The following PARN variants were observed in gnomAD, a reference collection of about 807,000 sequenced individuals.
PARN encodes poly(A)-specific ribonuclease.
PARN carries 71 observed loss-of-function variants against 102.8 expected under a neutral mutation model. That is an observed-to-expected ratio of 0.69 (90% confidence interval 0.57 to 0.84). PARN has a LOEUF of 0.84. Ranked by LOEUF, PARN falls within the 40% of genes least tolerant of loss-of-function variation. The pLI, the probability that PARN is intolerant of heterozygous loss-of-function variation, is 0.00. For synonymous variants in PARN, 261 were observed against 252.9 expected, an observed-to-expected ratio of 1.03 and a Z score of -0.30; for missense variants, 782 against 760.9, an observed-to-expected ratio of 1.03 and a Z score of -0.33.
intron 23 of PARN, 98 bp downstream of exon 23, chr16:14,446,790 C>G: frequency 1.3e-6 from 1 of 791,530 alleles, no homozygotes; most frequent in Non-Finnish European, 2.0e-6. Context: ...GCTTTGCCAC[C>G]AAGTGAAGCC....
At chr16:14,506,828 T>TA (rs924406784) in intron 21 of PARN, among the ~76,000 whole-genome samples, 1 of 151,510 alleles carries the variant, frequency 6.6e-6, no homozygotes, top group Non-Finnish European at 1.5e-5. Flanking sequence ...TCACTGCCTT[T>TA]AAAAAAAGAA....
At chr16:14,551,878 T>G in intron 21 of PARN, 143 bp downstream of exon 21, 1 of 597,610 alleles carries the variant, frequency 1.7e-6, no homozygotes, top group Non-Finnish European at 3.0e-6. Flanking sequence ...AATTATTTCA[T>G]TTATTTCAGA....
chr16:14,580,285 G>T (rs1429273656), intron 18 of PARN, among the ~76,000 whole-genome samples: 2 of 149,412 alleles, frequency 1.3e-5, no homozygotes, highest in South Asian at 2.1e-4. Context: ...ATTTTCTTTT[G>T]TTTTTTTTGT....
intron 21 of PARN, among the ~76,000 whole-genome samples, chr16:14,487,183 A>G (rs1296706056): frequency 6.6e-6 from 1 of 152,242 alleles, no homozygotes; most frequent in East Asian, 1.9e-4. Flanking sequence ...TAGTCACCAC[A>G]CAAATAAAGA....
intron 5 of PARN, among the ~76,000 whole-genome samples, chr16:14,621,602 G>A (rs117723365): frequency 0.029 from 4,339 of 151,878 alleles, 88 homozygotes; most frequent in Non-Finnish European, 0.041. Flanking sequence ...ACGAGGTCAA[G>A]AGATCAAGAC....
intron 21 of PARN, among the ~76,000 whole-genome samples, chr16:14,547,105 A>AG (rs1966998862): frequency 3.3e-5 from 5 of 151,206 alleles, no homozygotes; most frequent in Admixed American, 6.6e-5. Context: ...AAAAAAAAAA[A>AG]AGAAAAAAAA....
At position 14,584,424 on chromosome 16, in the gene PARN, T is replaced by C. The variant is rs1469272825; in HGVS notation, c.1006-2A>G. Reference sequence around the variant, plus strand: ...AAGGGATGTGTTGTTAATGATATCCTGCAAACCACGAAGCAAAGAATTATG... The same window carrying C: ...AAGGGATGTGTTGTTAATGATATCCCGCAAACCACGAAGCAAAGAATTATG... On this transcript the variant is annotated splice_acceptor_variant, in intron 15 of 23. Transcript: ENST00000437198. LOFTEE classifies it high-confidence loss of function. The C allele has an allele frequency of 6.2e-7, 1 of 1,611,028 alleles. No homozygotes were observed. Among genetic ancestry groups the C allele is most frequent in the East Asian group, 2.2e-5 (1 of 44,830 alleles).
At chr16:14,568,753 G>A (rs1968595116) in intron 18 of PARN, among the ~76,000 whole-genome samples, 1 of 151,792 alleles carries the variant, frequency 6.6e-6, no homozygotes, top group Admixed American at 6.6e-5. Context: ...AAGTTAGCAG[G>A]GCATGGTGGC....
chr16:14,606,687 T>A (rs1055657760), intron 9 of PARN, among the ~76,000 whole-genome samples, 161 bp from the exon 10 acceptor site: 36 of 152,158 alleles, frequency 2.4e-4, no homozygotes, highest in African/African-American at 8.7e-4. Flanking sequence ...TTTTATAACG[T>A]TTCAGCTGCT....
At chr16:14,543,933 G>A (rs911817171) in intron 21 of PARN, among the ~76,000 whole-genome samples, 2 of 152,134 alleles carry the variant, frequency 1.3e-5, no homozygotes, top group African/African-American at 4.8e-5. Flanking sequence ...GGTGGCTCAC[G>A]CCTGTAATCC....
chr16:14,614,895 T>G (rs956460157), intron 6 of PARN, among the ~76,000 whole-genome samples: 64 of 130,158 alleles, frequency 4.9e-4, no homozygotes, highest in African/African-American at 1.8e-3. Flanking sequence ...AAAAGAAAAT[T>G]CAGGTGTCTG....
chr16:14,469,369 C>G (rs1026584071), intron 22 of PARN, among the ~76,000 whole-genome samples: 1 of 152,164 alleles, frequency 6.6e-6, no homozygotes, highest in Non-Finnish European at 1.5e-5. Flanking sequence ...ATATACCCAT[C>G]ACAGATTTGA....
chr16:14,553,737 A>C (rs1967477171), intron 20 of PARN, among the ~76,000 whole-genome samples: 1 of 152,218 alleles, frequency 6.6e-6, no homozygotes, highest in Non-Finnish European at 1.5e-5. Flanking sequence ...CCATTATGAA[A>C]CACACAAACC....
At chr16:14,582,427 C>G (rs1022430552) in intron 16 of PARN, 136 bp from the exon 17 acceptor site, 2 of 646,426 alleles carry the variant, frequency 3.1e-6, no homozygotes, top group Non-Finnish European at 5.5e-6. Flanking sequence ...CCTTAATTCT[C>G]TCTATATAAG....
At chr16:14,502,925 G>A (rs1345465271) in intron 21 of PARN, among the ~76,000 whole-genome samples, 1 of 152,068 alleles carries the variant, frequency 6.6e-6, no homozygotes. Flanking sequence ...AGATCAGGGA[G>A]GAAAAATTAA....
intron 22 of PARN, among the ~76,000 whole-genome samples, chr16:14,480,967 A>ATAAATAAC (rs1386961839): frequency 1.3e-5 from 2 of 151,964 alleles, no homozygotes; most frequent in African/African-American, 4.8e-5. Context: ...AAATAAATAA[A>ATAAATAAC]TAAATAACAT....
At chr16:14,440,842 A>G (rs1481309613) in intron 23 of PARN, among the ~76,000 whole-genome samples, 2 of 152,156 alleles carry the variant, frequency 1.3e-5, no homozygotes, top group Non-Finnish European at 2.9e-5. Flanking sequence ...GGCTGCTGGG[A>G]TCTGTGTGGG....
chr16:14,533,731 C>T (rs1234555999), intron 21 of PARN, among the ~76,000 whole-genome samples: 1 of 152,080 alleles, frequency 6.6e-6, no homozygotes. Flanking sequence ...CCCTGGTGAC[C>T]CTCTTCTGCA....
chr16:14,460,427 C>CAA (rs1410360914), intron 22 of PARN, among the ~76,000 whole-genome samples: 1 of 152,174 alleles, frequency 6.6e-6, no homozygotes, highest in Non-Finnish European at 1.5e-5. Context: ...GCACGTAGTA[C>CAA]AGGATCATAA....
Sources: gnomAD v4.1 joint callset for allele counts (sites outside exome capture counted in the v4.1 genomes callset) on GRCh38, gnomAD v4.1.1 for gene constraint, MANE v1.5 for transcripts, NCBI Gene and HGNC (gene_info 2026-07-23, HGNC 2026-07-21) for gene names.